The following CEP128 variants were observed in gnomAD, a reference collection of about 807,000 sequenced individuals.
CEP128 encodes centrosomal protein 128.
A neutral mutation model predicts 156.7 loss-of-function variants in CEP128; 132 were observed. That is an observed-to-expected ratio of 0.84 (90% CI 0.73 to 0.97). The LOEUF (loss-of-function observed/expected upper bound fraction) is 0.97. Ranked by LOEUF, CEP128 falls within the 50% of genes least tolerant of loss-of-function variation. The probability of loss-of-function intolerance (pLI) is 0.00; values close to 1 mark genes in which losing one functional copy is unlikely to be tolerated. For synonymous variants in CEP128, 469 were observed against 448.9 expected, an observed-to-expected ratio of 1.04 and a Z score of -0.57; for missense variants, 1,252 against 1,281.9, an observed-to-expected ratio of 0.98 and a Z score of 0.36.
chr14:80,645,011 A>G (rs1267736321), intron 19 of CEP128, among the ~76,000 whole-genome samples: 2 of 152,190 alleles, frequency 1.3e-5, no homozygotes, highest in Non-Finnish European at 2.9e-5. Context: ...ACAAACGTTG[A>G]TAAATGAGAC....
exon 2 of CEP128, chr14:80,958,254 G>A (rs1594887762): frequency 6.6e-6 from 1 of 152,178 alleles, no homozygotes; most frequent in Non-Finnish European, 1.5e-5. Flanking sequence ...TTAAGTAGGT[G>A]ATGTTATTAT....
At chr14:80,642,321 G>C (rs997439688) in intron 19 of CEP128, among the ~76,000 whole-genome samples, 2 of 152,138 alleles carry the variant, frequency 1.3e-5, no homozygotes, top group African/African-American at 4.8e-5. Context: ...ATTCTTAGTA[G>C]AACATGGGAT....
chr14:80,782,763 A>G (rs1229976208), intron 15 of CEP128, among the ~76,000 whole-genome samples: 1 of 152,174 alleles, frequency 6.6e-6, no homozygotes, highest in East Asian at 1.9e-4. Flanking sequence ...GTTGAATGGA[A>G]TGAAGGCTTT....
At chr14:80,626,321 G>A (rs950271653) in intron 19 of CEP128, among the ~76,000 whole-genome samples, 31 of 151,262 alleles carry the variant, frequency 2.0e-4, no homozygotes, top group African/African-American at 1.5e-4. Flanking sequence ...AAAATTAGCC[G>A]GGCGCGGTGG....
At chr14:80,849,343 A>T (rs1666559370) in intron 9 of CEP128, among the ~76,000 whole-genome samples, 2 of 152,168 alleles carry the variant, frequency 1.3e-5, no homozygotes, top group Non-Finnish European at 1.5e-5. Context: ...AGCTCCAGAG[A>T]CCCAAGTTCG....
intron 20 of CEP128, among the ~76,000 whole-genome samples, chr14:80,574,782 C>T (rs73328640): frequency 0.014 from 2,057 of 152,152 alleles, 34 homozygotes; most frequent in African/African-American, 0.043. Flanking sequence ...GATTATTTTC[C>T]CCTTACTGCT....
At chr14:80,648,486 C>A (rs1894757371) in intron 19 of CEP128, among the ~76,000 whole-genome samples, 1 of 151,974 alleles carries the variant, frequency 6.6e-6, no homozygotes, top group African/African-American at 2.4e-5. Flanking sequence ...ATTACTAGCC[C>A]TCCTTTGGTA....
At chr14:80,812,150 G>A (rs1399083303) in intron 13 of CEP128, among the ~76,000 whole-genome samples, 5 of 152,300 alleles carry the variant, frequency 3.3e-5, no homozygotes, top group African/African-American at 1.2e-4. Context: ...AGAACATGCA[G>A]TATTTGGTTT....
intron 20 of CEP128, among the ~76,000 whole-genome samples, chr14:80,574,276 C>T (rs1438424016): frequency 6.6e-6 from 1 of 152,180 alleles, no homozygotes; most frequent in Non-Finnish European, 1.5e-5. Flanking sequence ...CCCTGTCACC[C>T]TCATCCTTCT....
intron 19 of CEP128, among the ~76,000 whole-genome samples, chr14:80,689,211 T>G (rs959611791): frequency 7.2e-6 from 1 of 139,850 alleles, no homozygotes; most frequent in African/African-American, 2.7e-5. Flanking sequence ...AAAAAAAAAT[T>G]AGCAGGGAGG....
chr14:80,882,773 G>A (rs1447699572), intron 8 of CEP128, among the ~76,000 whole-genome samples: 2 of 152,124 alleles, frequency 1.3e-5, no homozygotes, highest in African/African-American at 4.8e-5. Flanking sequence ...AACATGGATG[G>A]AACTGGAGGT....
intron 21 of CEP128, among the ~76,000 whole-genome samples, chr14:80,542,287 A>G (rs1415907539): frequency 6.6e-6 from 1 of 152,264 alleles, no homozygotes; most frequent in Non-Finnish European, 1.5e-5. Flanking sequence ...GGTATCACAC[A>G]TGAATACATT....
At chr14:80,947,142 C>A (rs1488206159) in intron 2 of CEP128, among the ~76,000 whole-genome samples, 1 of 152,196 alleles carries the variant, frequency 6.6e-6, no homozygotes, top group Non-Finnish European at 1.5e-5. Flanking sequence ...ATTACACAGT[C>A]TCAGGTGGTT....
chr14:80,822,310 C>T (rs978381918), intron 13 of CEP128, among the ~76,000 whole-genome samples: 7 of 152,172 alleles, frequency 4.6e-5, no homozygotes, highest in African/African-American at 1.2e-4. Context: ...AATGGGGGTA[C>T]AGGCATTGAG....
At chr14:80,522,501 T>C (rs1294372462) in intron 23 of CEP128, among the ~76,000 whole-genome samples, 1 of 152,216 alleles carries the variant, frequency 6.6e-6, no homozygotes, top group Non-Finnish European at 1.5e-5. Flanking sequence ...AAAAAGAAAC[T>C]GTATACTAAC....
At chr14:80,940,524 T>A (rs1886086673) in intron 1 of CEP128, among the ~76,000 whole-genome samples, 2 of 150,466 alleles carry the variant, frequency 1.3e-5, no homozygotes, top group Admixed American at 6.6e-5. Context: ...TTTTTTTTTT[T>A]AATGTACAGC....
At position 80,876,093 on chromosome 14, in the gene CEP128, T is replaced by C. The variant is rs567630959; in HGVS notation, c.646-13220A>G. Among the ~76,000 whole-genome samples the C allele has an allele frequency of 4.0e-4, 61 of 152,134 alleles. 1 individual carries two copies. The South Asian group carries it at 0.012, about 31-fold the overall frequency. ...GGGGATGAAGTCAAAAGTTCAAGAT[T>C]ATATGAAATCTGAAGTCCTAAAAGA... On this transcript the variant is annotated intron_variant, in intron 8 of 24. Coordinates refer to ENST00000555265, the MANE Select transcript of CEP128 (RefSeq NM_152446.5).
At chr14:80,716,428 T>C (rs1161156669) in intron 19 of CEP128, among the ~76,000 whole-genome samples, 1 of 152,192 alleles carries the variant, frequency 6.6e-6, no homozygotes, top group East Asian at 1.9e-4. Flanking sequence ...TTCTTAATGA[T>C]GATATAGATA....
chr14:80,613,147 C>T (rs951807580), intron 19 of CEP128, among the ~76,000 whole-genome samples: 10 of 151,814 alleles, frequency 6.6e-5, no homozygotes, highest in East Asian at 1.9e-4. Context: ...TGAGCCACCA[C>T]GCCCGGCCCA....
Sources: allele counts gnomAD v4.1 joint callset (sites outside exome capture counted in the v4.1 genomes callset), GRCh38; gene constraint gnomAD v4.1.1; transcripts MANE v1.5; gene names NCBI Gene and HGNC (gene_info 2026-07-23, HGNC 2026-07-21).